The following DPP6 variants were observed in gnomAD, a reference collection of about 807,000 sequenced individuals.
DPP6 encodes the protein A-type potassium channel modulatory protein DPP6.
DPP6 carries 69 observed loss-of-function variants against 122.6 expected under a neutral mutation model. The observed-to-expected ratio is 0.56, with a 90% CI of 0.46 to 0.69. DPP6 has a LOEUF of 0.69. Among genes scored for constraint, DPP6 ranks in the 30% least tolerant of loss-of-function variants. DPP6 has a pLI of 0.00. For synonymous variants in DPP6, 418 were observed against 433.1 expected, an observed-to-expected ratio of 0.97 and a Z score of 0.43; for missense variants, 928 against 1,116.9, an observed-to-expected ratio of 0.83 and a Z score of 2.41.
At chr7:153,863,302 T>C in the DPP6 span, among the ~76,000 whole-genome samples, 1 of 152,204 alleles carries the variant, frequency 6.6e-6, no homozygotes, top group Non-Finnish European at 1.5e-5. Flanking sequence ...CCATGGTATA[T>C]ATGTACCACA....
chr7:153,925,341 C>T (rs559946648), intron 1 of DPP6, among the ~76,000 whole-genome samples: 42 of 148,634 alleles, frequency 2.8e-4, no homozygotes, highest in Admixed American at 2.1e-3. Flanking sequence ...GAGAGATCAT[C>T]CTGCATGGTT....
At chr7:154,091,998 T>C (rs1443425757) in intron 1 of DPP6, among the ~76,000 whole-genome samples, 1 of 152,070 alleles carries the variant, frequency 6.6e-6, no homozygotes, top group Non-Finnish European at 1.5e-5. Context: ...TTCCAGGATG[T>C]TGCATTTATT....
At chr7:154,648,644 G>A (rs11521122) in intron 6 of DPP6, among the ~76,000 whole-genome samples, 2,972 of 152,242 alleles carry the variant, frequency 0.02, 45 homozygotes, top group Non-Finnish European at 0.032. Flanking sequence ...TTTCGGCCGG[G>A]CGTGGTGGCT....
chr7:154,440,158 G>A (rs1315475101), intron 1 of DPP6, among the ~76,000 whole-genome samples: 1 of 152,138 alleles, frequency 6.6e-6, no homozygotes, highest in Non-Finnish European at 1.5e-5. Context: ...TGAAATAAAC[G>A]GAGGTGTTGG....
intron 1 of DPP6, among the ~76,000 whole-genome samples, chr7:154,309,259 T>C (rs1345299125): frequency 6.6e-6 from 1 of 152,230 alleles, no homozygotes; most frequent in Admixed American, 6.5e-5. Flanking sequence ...ACCTTGTATA[T>C]GTGACTGCTG....
At chr7:154,234,238 G>C (rs1801073006) in intron 1 of DPP6, among the ~76,000 whole-genome samples, 1 of 152,120 alleles carries the variant, frequency 6.6e-6, no homozygotes, top group African/African-American at 2.4e-5. Flanking sequence ...AGGTAGCTTT[G>C]GTGCTTTGCC....
intron 5 of DPP6, among the ~76,000 whole-genome samples, chr7:154,595,929 C>T (rs1833064485): frequency 6.6e-6 from 1 of 152,160 alleles, no homozygotes; most frequent in Non-Finnish European, 1.5e-5. Flanking sequence ...GGCATGGTGG[C>T]AGGCACCTAT....
chr7:153,890,470 C>G (rs1164816786), intron 1 of DPP6, among the ~76,000 whole-genome samples: 1 of 152,158 alleles, frequency 6.6e-6, no homozygotes. Context: ...CAATAGCCTC[C>G]CGGCTGGTCC....
In DPP6 at chr7:154,164,079, A is replaced by C. The variant is rs560541501; in HGVS notation, c.243+111016A>C. 7.1e-3 allele frequency among the ~76,000 whole-genome samples: 1,080 copies of C among 152,112 alleles called. 4 individuals carry two copies. Among genetic ancestry groups the C allele is most frequent in the South Asian group, 0.019 (93 of 4,810 alleles). ...TGGCCCCGCCAAACCTCTTCCAGGC[A>C]CCCAAGGTCTGGCCTCTGCTCAGGT... is the stretch of plus-strand genomic sequence containing the variant. On this transcript the variant is annotated intron_variant, in intron 1 of 25. Coordinates refer to ENST00000377770, the MANE Select transcript of DPP6 (RefSeq NM_130797.4).
intron 10 of DPP6, among the ~76,000 whole-genome samples, chr7:154,779,197 T>C (rs1796859319): frequency 2.7e-5 from 2 of 74,478 alleles, no homozygotes; most frequent in African/African-American, 5.4e-5. Context: ...CCACAACTTC[T>C]ACCACCACCA....
intron 1 of DPP6, among the ~76,000 whole-genome samples, chr7:154,186,475 T>C (rs1798359909): frequency 6.6e-6 from 1 of 152,230 alleles, no homozygotes; most frequent in Non-Finnish European, 1.5e-5. Context: ...AGATGGACAC[T>C]CCCTCAGTTG....
chr7:154,757,983 C>T (rs200251521), intron 8 of DPP6, among the ~76,000 whole-genome samples: 1 of 152,264 alleles, frequency 6.6e-6, no homozygotes, highest in East Asian at 1.9e-4. Flanking sequence ...CCGCCCTCTC[C>T]CCGCCGCCCT....
At chr7:153,881,092 A>G in the DPP6 span, among the ~76,000 whole-genome samples, 1 of 152,242 alleles carries the variant, frequency 6.6e-6, no homozygotes, top group Non-Finnish European at 1.5e-5. Flanking sequence ...TGGAAGAGGC[A>G]GCAGCATAAA....
At chr7:154,085,244 C>A (rs1804319966) in intron 1 of DPP6, among the ~76,000 whole-genome samples, 1 of 152,146 alleles carries the variant, frequency 6.6e-6, no homozygotes, top group Admixed American at 6.6e-5. Flanking sequence ...TTCATTTTAT[C>A]CAATTCTCAA....
intron 1 of DPP6, among the ~76,000 whole-genome samples, chr7:154,443,053 C>A (rs1208453380): frequency 1.3e-5 from 2 of 152,180 alleles, no homozygotes; most frequent in African/African-American, 4.8e-5. Context: ...CCCCTTACTG[C>A]CCCCACTCCT....
At chr7:153,892,845 G>T (rs1799264513) in intron 1 of DPP6, among the ~76,000 whole-genome samples, 1 of 152,106 alleles carries the variant, frequency 6.6e-6, no homozygotes, top group Non-Finnish European at 1.5e-5. Context: ...GTGTCCCAGT[G>T]GTGTGATACT....
At chr7:154,561,094 C>T (rs1263858871) in intron 4 of DPP6, among the ~76,000 whole-genome samples, 1 of 152,096 alleles carries the variant, frequency 6.6e-6, no homozygotes, top group Non-Finnish European at 1.5e-5. Flanking sequence ...CATTGAGCTA[C>T]AATATTTGAA....
At chr7:154,242,680 T>C (rs1195144043) in intron 1 of DPP6, among the ~76,000 whole-genome samples, 1 of 152,202 alleles carries the variant, frequency 6.6e-6, no homozygotes, top group Non-Finnish European at 1.5e-5. Context: ...AACTGTGGCC[T>C]CACTGACCTG....
At chr7:153,965,695 G>C (rs1463759745) in intron 1 of DPP6, among the ~76,000 whole-genome samples, 2 of 151,890 alleles carry the variant, frequency 1.3e-5, no homozygotes, top group African/African-American at 4.8e-5. Context: ...TGTATTTTTA[G>C]TAAAAACGGG....
Sources: gnomAD v4.1 joint callset for allele counts (sites outside exome capture counted in the v4.1 genomes callset) on GRCh38, gnomAD v4.1.1 for gene constraint, MANE v1.5 for transcripts, NCBI Gene and HGNC (gene_info 2026-07-23, HGNC 2026-07-21) for gene names.